The following BLM variants were observed in gnomAD, a reference collection of about 807,000 sequenced individuals.
BLM encodes BLM RecQ like helicase.
In BLM, 95 loss-of-function variants were observed where a neutral mutation model predicts 135.3. The observed-to-expected ratio is 0.70, with a 90% confidence interval of 0.59 to 0.83. The LOEUF is 0.83. Ranked by LOEUF, BLM falls within the 40% of genes least tolerant of loss-of-function variation. BLM has a pLI of 0.00. For synonymous variants in BLM, 520 were observed against 589.2 expected (o/e 0.88, Z 1.70); for missense variants, 1,518 against 1,663.9 (o/e 0.91, Z 1.53).
At chr15:90,784,873 G>C in intron 13 of BLM, 48 bp from the exon 14 acceptor site, 2 of 1,587,394 alleles carry the variant, frequency 1.3e-6, no homozygotes, top group Non-Finnish European at 1.7e-6. Context: ...TTGTGTTTTT[G>C]TTTATGTTAA....
chr15:90,776,252 A>G (rs1452046291), intron 12 of BLM, among the ~76,000 whole-genome samples: 1 of 152,238 alleles, frequency 6.6e-6, no homozygotes. Flanking sequence ...TAAGCAAAGA[A>G]TTGGAAACTC....
rs759545027 is a variant in BLM at position 90,769,520 on chromosome 15, C to G, written c.2489C>G (p.Thr830Arg). The G allele has an allele frequency of 1.9e-6, 3 of 1,613,816 alleles. No homozygotes were observed. The highest frequency in any genetic ancestry group is 1.3e-5 in the African/African-American group (1 of 75,004). ...KFPSVPVMAL[T>R]ATANPRVQKD... The stretch of plus-strand genomic sequence containing the variant: ...CCTTCTGTTCCGGTGATGGCTCTTA[C>G]GGCCACAGCTAATCCCAGGGTACAG... Residue 830 changes from threonine to arginine, a missense_variant, in exon 12 of 22, where the codon ACG (threonine) becomes AGG (arginine). Around this residue, in one of 5 missense-constraint regions of BLM, gnomAD observed 626 missense variants for 681.1 expected, o/e 0.92. Coordinates refer to ENST00000355112, the MANE Select transcript of BLM (RefSeq NM_000057.4).
chr15:90,796,936 A>G (rs571632434), intron 16 of BLM, among the ~76,000 whole-genome samples: 2 of 152,184 alleles, frequency 1.3e-5, no homozygotes, highest in African/African-American at 4.8e-5. Context: ...AGAATACCAC[A>G]TGGTATGAGT....
intron 5 of BLM, among the ~76,000 whole-genome samples, chr15:90,755,916 C>T (rs374591073): frequency 3.3e-5 from 5 of 152,058 alleles, no homozygotes; most frequent in South Asian, 2.1e-4. Flanking sequence ...CATGCATGTG[C>T]GGGTCATGTG....
chr15:90,799,509 T>G (rs933943068), intron 17 of BLM, among the ~76,000 whole-genome samples: 1 of 149,912 alleles, frequency 6.7e-6, no homozygotes, highest in Admixed American at 6.7e-5. Context: ...CTGACAAAAA[T>G]TTTGGAAATA....
intron 20 of BLM, among the ~76,000 whole-genome samples, chr15:90,810,675 G>C (rs1461193247): frequency 6.6e-6 from 1 of 152,168 alleles, no homozygotes; most frequent in South Asian, 2.1e-4. Context: ...CAGCCATATT[G>C]TGCAAAGACA....
intron 14 of BLM, 47 bp downstream of exon 14, chr15:90,785,128 C>A (rs1896714253): frequency 6.4e-7 from 1 of 1,559,644 alleles, no homozygotes; most frequent in Non-Finnish European, 8.8e-7. Context: ...TCTTTTATAG[C>A]ATATAACCAA....
rs373387567 is a variant in BLM, at chr15:90,737,851, A to G, written c.-4-9538A>G. Among the ~76,000 whole-genome samples, 16 of 152,322 alleles carry G rather than the reference A, an allele frequency of 1.1e-4. No individual in the cohort carries two copies. In the East Asian group the frequency reaches 1.9e-3, roughly 18 times the overall value. ...AGATAAACAAAACAGGGACTAGAAA[A>G]GCAGTAGAGAAATTGACAAAACAGA... On this transcript the variant is annotated intron_variant, in intron 1 of 21. Transcript: ENST00000355112.
chr15:90,753,333 G>A (rs1895737157), intron 4 of BLM, among the ~76,000 whole-genome samples: 1 of 152,180 alleles, frequency 6.6e-6, no homozygotes, highest in Non-Finnish European at 1.5e-5. Flanking sequence ...TTTGATACAT[G>A]TGTGTTTGAT....
intron 1 of BLM, among the ~76,000 whole-genome samples, chr15:90,730,219 TGAA>T (rs1233865165): frequency 2.6e-5 from 4 of 152,164 alleles, no homozygotes; most frequent in Admixed American, 2.6e-4. Context: ...ATAGCCTTTG[TGAA>T]TATTAATGAT....
At position 90,782,921 on chromosome 15, in the gene BLM, C is replaced by T. The variant is rs1404506326; in HGVS notation, c.2655C>T (p.His885=). Residue 885 remains histidine (H), a synonymous_variant, in exon 13 of 22, where the codon CAC becomes CAT. Transcript: ENST00000355112. ...AFDCLEWIRK[H]HPYDSGIIYC... is the part of the protein sequence containing the mutation. The stretch of plus-strand genomic sequence containing the variant: ...ATTGCCTAGAATGGATCAGAAAGCA[C>T]CACCCATGTGAGTACAGCCATGTGA... The T allele has an allele frequency of 6.2e-6, 10 of 1,609,176 alleles. No homozygotes were observed. Among genetic ancestry groups the T allele is most frequent in the Non-Finnish European group, 8.5e-6 (10 of 1,175,678 alleles).
At chr15:90,742,728 G>A (rs1285911110) in intron 1 of BLM, among the ~76,000 whole-genome samples, 8 of 151,728 alleles carry the variant, frequency 5.3e-5, no homozygotes, top group Non-Finnish European at 8.8e-5. Flanking sequence ...TCGACCTCCC[G>A]GGCTCAAATG....
intron 19 of BLM, among the ~76,000 whole-genome samples, chr15:90,808,109 C>T (rs1439395334): frequency 6.6e-6 from 1 of 152,202 alleles, no homozygotes; most frequent in African/African-American, 2.4e-5. Context: ...ATGTGATGTA[C>T]ATTTTAATCT....
At chr15:90,803,813 A>T in intron 18 of BLM, 93 bp downstream of exon 18, 4 of 1,281,158 alleles carry the variant, frequency 3.1e-6, no homozygotes, top group Non-Finnish European at 1.1e-6. Context: ...AAGCTTATAG[A>T]TACTGAATTT....
At chr15:90,807,041 A>C (rs1440829051) in intron 19 of BLM, among the ~76,000 whole-genome samples, 1 of 152,238 alleles carries the variant, frequency 6.6e-6, no homozygotes, top group Non-Finnish European at 1.5e-5. Flanking sequence ...TTCACATTCA[A>C]AGCCTGACTC....
chr15:90,786,594 G>T lies in BLM; in HGVS notation c.2823+1513G>T, dbSNP rs115444139. Among the ~76,000 whole-genome samples, 1,116 of 151,488 alleles carry T rather than the reference G, an allele frequency of 7.4e-3. 21 individuals carry two copies. The highest frequency in any genetic ancestry group is 0.025 in the African/African-American group (1,030 of 41,308). ...TGTGGGAAATGGTATCTCTTTGTGG[G>T]TTTTTTTTTATTTACATGGAAGACC... On this transcript the variant is annotated intron_variant, in intron 14 of 21. Transcript: ENST00000355112.
chr15:90,814,696 G>A (rs2239291), intron 21 of BLM, among the ~76,000 whole-genome samples: 48,596 of 152,090 alleles, frequency 0.32, 8,794 homozygotes, highest in East Asian at 0.55. Context: ...CGGGGTGCCT[G>A]TCAGCAGGGA....
At chr15:90,799,924 A>C (rs946608722) in intron 17 of BLM, among the ~76,000 whole-genome samples, 47 of 152,142 alleles carry the variant, frequency 3.1e-4, no homozygotes, top group African/African-American at 1.0e-3. Context: ...AAAACAAATG[A>C]CTGTTAGGAA....
chr15:90,721,990 T>G (rs1403357720), intron 1 of BLM, among the ~76,000 whole-genome samples: 3 of 149,640 alleles, frequency 2.0e-5, no homozygotes, highest in Non-Finnish European at 4.4e-5. Context: ...ATATACATAA[T>G]TTCGCTGGAA....
Sources: gnomAD v4.1 joint callset for allele counts (sites outside exome capture counted in the v4.1 genomes callset) on GRCh38, gnomAD v4.1.1 for gene constraint, gnomAD v4.1.1 regional missense constraint, MANE v1.5 for transcripts, NCBI Gene and HGNC (gene_info 2026-07-23, HGNC 2026-07-21) for gene names.